RUSC2: variants seen among roughly 807,000 people sequenced by gnomAD.
The protein encoded by RUSC2 is RUN and SH3 domain containing 2, also known as AP-4 complex accessory subunit RUSC2.
RUSC2 carries 34 observed loss-of-function variants against 122.2 expected under a neutral mutation model. That is an observed-to-expected ratio of 0.28 (90% CI 0.21 to 0.37). The LOEUF is 0.37. Ranked by LOEUF, RUSC2 falls within the 10% of genes least tolerant of loss-of-function variation. The pLI, the probability that RUSC2 is intolerant of heterozygous loss-of-function variation, is 1.00. For missense variants in RUSC2, 1,747 were observed against 1,952.4 expected, an observed-to-expected ratio of 0.89 and a Z score of 1.98; for synonymous variants, 784 against 790.0, an observed-to-expected ratio of 0.99 and a Z score of 0.13.
chr9:35,526,453 G>A (rs934795180), intron 1 of RUSC2, among the ~76,000 whole-genome samples: 1 of 152,148 alleles, frequency 6.6e-6, no homozygotes, highest in Non-Finnish European at 1.5e-5. Flanking sequence ...TGTATGTCAG[G>A]CACAATTTAA....
At chr9:35,542,074 G>C (rs2132544966) in intron 1 of RUSC2, among the ~76,000 whole-genome samples, 1 of 152,236 alleles carries the variant, frequency 6.6e-6, no homozygotes, top group East Asian at 1.9e-4. Context: ...AATGGGGTGG[G>C]CAAAGCATGA....
In RUSC2 at chr9:35,511,037, A is replaced by G. The variant is rs113040901; in HGVS notation, c.-93+20865A>G. 6.0e-3 allele frequency among the ~76,000 whole-genome samples: 907 copies of G among 152,214 alleles called. 16 individuals carry two copies. Among genetic ancestry groups the G allele is most frequent in the African/African-American group, 0.021 (869 of 41,534 alleles). Reference sequence around the variant, plus strand: ...GTTGGCCAAGCAGGAAATTCCAAACACTTTTCCTGAAACTCCAAACAGCTT... The same window carrying G: ...GTTGGCCAAGCAGGAAATTCCAAACGCTTTTCCTGAAACTCCAAACAGCTT... On this transcript the variant is annotated intron_variant, in intron 1 of 11. Coordinates refer to ENST00000361226, the MANE Select transcript of RUSC2 (RefSeq NM_014806.5).
chr9:35,555,060 G>T lies in RUSC2; in HGVS notation c.2015G>T (p.Gly672Val). 1 of 1,610,908 alleles carries T rather than the reference G, an allele frequency of 6.2e-7. No individual in the cohort carries two copies. Reference sequence around the variant, plus strand: ...TTTCTTCTCCATCCCTTTGCTACAGGGGGTGGCACCGAGAGCCGACCAGTC... The same window carrying T: ...TTTCTTCTCCATCCCTTTGCTACAGTGGGTGGCACCGAGAGCCGACCAGTC... The part of the protein sequence containing the change: ...TQRDARARAD[G>V]GGTESRPVLR... Residue 672 changes from glycine (G) to valine (V), a missense_variant and splice_region_variant, in exon 3 of 12, where the codon GGG becomes GTG. Transcript: ENST00000361226. The surrounding 1 kb of genome is among the most constrained non-coding windows in gnomAD (Gnocchi z 4.6).
chr9:35,494,232 G>A (rs562987719), intron 1 of RUSC2, among the ~76,000 whole-genome samples: 24 of 151,836 alleles, frequency 1.6e-4, no homozygotes, highest in East Asian at 1.9e-4. Flanking sequence ...TTGGGAGGCC[G>A]AGGCGGGCGG....
rs758460903 is a variant in RUSC2, at chr9:35,546,477, G to A, written c.-45G>A. On this transcript the variant is annotated 5_prime_UTR_variant, in exon 2 of 12. Coordinates refer to ENST00000361226, the MANE Select transcript of RUSC2 (RefSeq NM_014806.5). The surrounding 1 kb of genome is among the most constrained non-coding windows in gnomAD (Gnocchi z 4.3). ...TGTGTTCTGCCCCACTGGGCTCCAG[G>A]GACAGTGTCTGGTGCTGTTGAAGCC... The A allele has an allele frequency of 4.1e-5, 54 of 1,319,054 alleles. No individual in the cohort carries two copies. The highest frequency in any genetic ancestry group is 2.0e-4 in the African/African-American group (13 of 66,374). The allele number at this position is 1,319,054 out of a possible 1,614,324, so 81.7% of individuals were successfully genotyped here. A position where few individuals can be genotyped will look rare whatever the true frequency, so the allele number is the denominator to read the frequency against.
Position 35,558,583 on chromosome 9 carries a change from A to C in RUSC2, c.3341+16A>C. 1 of 1,602,736 alleles carries C rather than the reference A, an allele frequency of 6.2e-7. No homozygotes were observed. The highest frequency in any genetic ancestry group is 1.1e-5 in the South Asian group (1 of 90,828). ...GCCTGCTCAAGTGAGTGCACAGAGC[A>C]GCAAGATCCCCTAAACAACTTGCCC... On this transcript the variant is annotated intron_variant, in intron 8 of 11. Transcript: ENST00000361226. The surrounding 1 kb of genome is among the most constrained non-coding windows in gnomAD (Gnocchi z 4.3).
chr9:35,532,223 T>A (rs1024793962), intron 1 of RUSC2, among the ~76,000 whole-genome samples: 2 of 152,138 alleles, frequency 1.3e-5, no homozygotes, highest in African/African-American at 4.8e-5. Flanking sequence ...GAGGTAATAA[T>A]AAGTATCTGA....
At chr9:35,514,091 C>A (rs1321301841) in intron 1 of RUSC2, among the ~76,000 whole-genome samples, 1 of 151,678 alleles carries the variant, frequency 6.6e-6, no homozygotes, top group Non-Finnish European at 1.5e-5. Flanking sequence ...TCTATGCATC[C>A]CAGACACTGC....
Position 35,561,770 on chromosome 9 carries a change from C to A in RUSC2, c.*388C>A, listed in dbSNP as rs72725074. The A allele has an allele frequency of 1.8e-6, 1 of 557,220 alleles. No individual in the cohort carries two copies. Among genetic ancestry groups the A allele is most frequent in the Non-Finnish European group, 3.2e-6 (1 of 316,634 alleles). The allele number at this position is 557,220 out of a possible 1,614,324, so 34.5% of individuals were successfully genotyped here. A position where few individuals can be genotyped will look rare whatever the true frequency, so the allele number is the denominator to read the frequency against. ...ATTGGGGCCAGATCCCTAAGCCCCC[C>A]AGCTGTAAATAGGCTGTGGCCAGTG... On this transcript the variant is annotated 3_prime_UTR_variant, in exon 12 of 12. Coordinates refer to ENST00000361226, the MANE Select transcript of RUSC2 (RefSeq NM_014806.5).
chr9:35,520,395 C>T (rs555138644), intron 1 of RUSC2, among the ~76,000 whole-genome samples: 1 of 152,354 alleles, frequency 6.6e-6, no homozygotes, highest in South Asian at 2.1e-4. Context: ...GACAACTAGG[C>T]TTCCCCCACC....
In RUSC2 at chr9:35,560,597, G is replaced by C; in HGVS notation, c.3957G>C (p.Glu1319Asp). The change falls in exon 10 of 12, where the codon GAG (glutamate) becomes GAC (aspartate). Residue 1319 changes from glutamate to aspartate, a missense_variant. Physicochemically the swap from Glu to Asp is conservative, Grantham distance 45 (BLOSUM62 2). Transcript: ENST00000361226. The part of the protein sequence containing the change: ...GGPPQAPPPR[E>D]GVVEGAEACP... ...CTCCCCAGGCTCCACCACCCCGAGA[G>C]GGAGTAGTGGAGGGGGCTGAGGCCT... The C allele has an allele frequency of 1.2e-6, 2 of 1,613,402 alleles. No homozygotes were observed. The highest frequency in any genetic ancestry group is 1.7e-6 in the Non-Finnish European group (2 of 1,179,660).
intron 1 of RUSC2, among the ~76,000 whole-genome samples, chr9:35,514,203 A>G (rs1025905706): frequency 2.0e-5 from 3 of 152,136 alleles, no homozygotes; most frequent in Non-Finnish European, 4.4e-5. Context: ...ATAAAACACA[A>G]TATAGAGAAG....
intron 1 of RUSC2, among the ~76,000 whole-genome samples, chr9:35,531,262 A>G (rs1821414149): frequency 6.6e-6 from 1 of 151,220 alleles, no homozygotes; most frequent in East Asian, 1.9e-4. Context: ...CTCTCTCTCA[A>G]AAAAAAAAGA....
chr9:35,524,572 T>A (rs954985379), intron 1 of RUSC2, among the ~76,000 whole-genome samples: 5 of 152,142 alleles, frequency 3.3e-5, no homozygotes, highest in African/African-American at 1.2e-4. Context: ...TGACCTCATG[T>A]GTTGGGTTTT....
intron 1 of RUSC2, among the ~76,000 whole-genome samples, chr9:35,497,725 G>A (rs1386041718): frequency 2.6e-5 from 4 of 152,158 alleles, no homozygotes; most frequent in African/African-American, 9.7e-5. Context: ...TCTTGCATTG[G>A]CAGTGGGCCC....
rs1367088612 is a variant in RUSC2, at chr9:35,561,196, G to A, written c.4365G>A (p.Leu1455=). 2 of 1,614,000 alleles carry A rather than the reference G, an allele frequency of 1.2e-6. No individual in the cohort carries two copies. Among genetic ancestry groups the A allele is most frequent in the Non-Finnish European group, 1.7e-6 (2 of 1,180,024 alleles). ...GTTTCCCCAGTGAGGTGCAGGCACT[G>A]TGCCACCACCTGGCCACCGGCCCTG... ...PSSPPCEVQA[L]CHHLATGPGQ... The change falls in exon 12 of 12, where the codon CTG becomes CTA. Residue 1455 remains leucine (L), a synonymous_variant. Transcript: ENST00000361226.
At chr9:35,510,982 A>G (rs1179358160) in intron 1 of RUSC2, among the ~76,000 whole-genome samples, 20 of 151,994 alleles carry the variant, frequency 1.3e-4, no homozygotes, top group Admixed American at 1.3e-3. Flanking sequence ...GGAACCTCCC[A>G]ACATCTACCC....
chr9:35,514,164 G>T (rs937018260), intron 1 of RUSC2, among the ~76,000 whole-genome samples: 2 of 151,994 alleles, frequency 1.3e-5, no homozygotes, highest in Admixed American at 1.3e-4. Context: ...GAAACTTGCT[G>T]TCTAGTGTTA....
chr9:35,549,815 GTTTGTT>G (rs772475174), intron 2 of RUSC2, among the ~76,000 whole-genome samples: 3 of 152,264 alleles, frequency 2.0e-5, no homozygotes, highest in Middle Eastern at 6.8e-3. Context: ...TTTGGCATTT[GTTTGTT>G]TTTGTTTGGT....
Sources: allele counts gnomAD v4.1 joint callset (sites outside exome capture counted in the v4.1 genomes callset), GRCh38; gene constraint gnomAD v4.1.1; non-coding constraint Gnocchi (gnomAD v3.1); transcripts MANE v1.5; gene names NCBI Gene and HGNC (gene_info 2026-07-23, HGNC 2026-07-21).